Variants in AGBL2 observed in about 807,000 individuals in gnomAD.
The protein encoded by AGBL2 is cytosolic carboxypeptidase 2.
In AGBL2, 87 loss-of-function variants were observed where a neutral mutation model predicts 103.0. The ratio of observed to expected loss-of-function variants is 0.84; its 90% CI spans 0.71 to 1.01. The LOEUF (loss-of-function observed/expected upper bound fraction) is 1.01. Among genes scored for constraint, AGBL2 ranks in the 50% least tolerant of loss-of-function variants. The pLI, the probability that AGBL2 is intolerant of heterozygous loss-of-function variation, is 0.00. For synonymous variants in AGBL2, 335 were observed against 356.7 expected (o/e 0.94, Z 0.69); for missense variants, 904 against 1,023.5 (o/e 0.88, Z 1.59).
In AGBL2 at chr11:47,680,075, T is replaced by TG; in HGVS notation, c.1916-3dup. 6.6e-7 allele frequency: 1 copy of TG among 1,521,842 alleles called. No individual in the cohort carries two copies. Among genetic ancestry groups the TG allele is most frequent in the Non-Finnish European group, 9.0e-7 (1 of 1,112,462 alleles). The allele number at this position is 1,521,842 out of a possible 1,614,324, so 94.3% of individuals were successfully genotyped here. ...TAAAGTGGGTGTCTCTTTTATTACCTGGAAAAAAAAAAAACCCCGCAAACA... is the reference window on the plus strand; with the variant it reads ...TAAAGTGGGTGTCTCTTTTATTACCTGGGAAAAAAAAAAAACCCCGCAAACA... On this transcript the variant is annotated splice_polypyrimidine_tract_variant and splice_region_variant and intron_variant, in intron 12 of 18. Coordinates refer to ENST00000525123, the MANE Select transcript of AGBL2 (RefSeq NM_024783.4).
At chr11:47,706,823 C>T (rs963296606) in intron 4 of AGBL2, among the ~76,000 whole-genome samples, 9 of 136,380 alleles carry the variant, frequency 6.6e-5, no homozygotes, top group African/African-American at 1.1e-4. Flanking sequence ...CCAAGGCAGG[C>T]GGATCATTTG....
At chr11:47,680,435 T>G (rs1448181227) in intron 12 of AGBL2, among the ~76,000 whole-genome samples, 1 of 151,122 alleles carries the variant, frequency 6.6e-6, no homozygotes, top group Non-Finnish European at 1.5e-5. Flanking sequence ...CACTCCAGCC[T>G]GGATGACACA....
At chr11:47,713,503 C>T (rs1291903179) in intron 3 of AGBL2, among the ~76,000 whole-genome samples, 2 of 150,742 alleles carry the variant, frequency 1.3e-5, no homozygotes, top group Non-Finnish European at 3.0e-5. Flanking sequence ...CCAGCCTGGG[C>T]GACAGGGTGA....
chr11:47,710,909 CA>C (rs60310587), intron 3 of AGBL2: 206,214 of 332,344 alleles, frequency 0.62, 49,049 homozygotes, highest in Admixed American at 0.7. Flanking sequence ...GATCCTGTCT[CA>C]AAAAAAAAAA....
At chr11:47,699,158 A>C (rs1349833988) in intron 8 of AGBL2, among the ~76,000 whole-genome samples, 1 of 152,194 alleles carries the variant, frequency 6.6e-6, no homozygotes, top group Non-Finnish European at 1.5e-5. Flanking sequence ...GGAGAAAAGA[A>C]ATCTCCCCAA....
intron 4 of AGBL2, among the ~76,000 whole-genome samples, chr11:47,707,649 C>T (rs1021692627): frequency 2.0e-5 from 3 of 152,154 alleles, no homozygotes; most frequent in African/African-American, 7.2e-5. Context: ...ACAATATCAC[C>T]AGCTATTGCC....
chr11:47,673,964 C>T (rs2097365847), intron 14 of AGBL2, among the ~76,000 whole-genome samples: 1 of 150,688 alleles, frequency 6.6e-6, no homozygotes, highest in East Asian at 2.0e-4. Context: ...TGGTGGTGGG[C>T]ACCTGTAATC....
chr11:47,678,343 A>ATTATTATTTTTTTTTTTTTTTTTTTT lies in AGBL2; in HGVS notation c.2017-943_2017-942insAAAAAAAAAAAAAAAAAAAATAATAA, dbSNP rs2097385523. Among the ~76,000 whole-genome samples, 18 of 116,864 alleles carry ATTATTATTTTTTTTTTTTTTTTTTTT rather than the reference A, an allele frequency of 1.5e-4. 1 individual carries two copies. The highest frequency in any genetic ancestry group is 2.9e-4 in the East Asian group (1 of 3,402). 76.7% of individuals were successfully genotyped at this position (116,864 alleles called of 152,430 possible). ...TTATTTTATTTTATTTTATTATTTT[A>ATTATTATTTTTTTTTTTTTTTTTTTT]TTTTTTTTGAGACGGAGTCTTGCTC... On this transcript the variant is annotated intron_variant, in intron 13 of 18. Coordinates refer to ENST00000525123, the MANE Select transcript of AGBL2 (RefSeq NM_024783.4).
At chr11:47,704,912 C>T (rs1368133836) in intron 6 of AGBL2, among the ~76,000 whole-genome samples, 184 bp from the exon 7 acceptor site, 1 of 152,126 alleles carries the variant, frequency 6.6e-6, no homozygotes. Flanking sequence ...AATTATAAAA[C>T]GTTAAAATTC....
intron 13 of AGBL2, among the ~76,000 whole-genome samples, chr11:47,678,320 A>ATTATTTTTTTT (rs1316888179): frequency 8.4e-6 from 1 of 119,696 alleles, no homozygotes; most frequent in African/African-American, 2.7e-5. Context: ...ATTTTATTTT[A>ATTATTTTTTTT]TTTTATTTTA....
intron 11 of AGBL2, among the ~76,000 whole-genome samples, chr11:47,685,058 A>C (rs1041981128): frequency 7.0e-5 from 9 of 129,360 alleles, no homozygotes; most frequent in South Asian, 3.0e-4. Context: ...AGTACAAAAA[A>C]ATTTAGCCAG....
intron 14 of AGBL2, among the ~76,000 whole-genome samples, chr11:47,676,813 CAAA>C (rs566335901): frequency 7.2e-4 from 50 of 69,806 alleles, no homozygotes; most frequent in African/African-American, 2.1e-3. Flanking sequence ...GCCTCCATCT[CAAA>C]AAAAAAAAAA....
chr11:47,673,129 G>T (rs960701868), intron 14 of AGBL2, among the ~76,000 whole-genome samples: 1 of 152,150 alleles, frequency 6.6e-6, no homozygotes, highest in Admixed American at 6.6e-5. Context: ...ATGAGATACA[G>T]AGCAAACGAA....
intron 13 of AGBL2, 79 bp from the exon 14 acceptor site, chr11:47,677,480 T>G (rs1387910158): frequency 5.1e-6 from 5 of 980,698 alleles, no homozygotes; most frequent in Non-Finnish European, 6.5e-6. Context: ...TGAGACGGAG[T>G]TTGACTCTTG....
intron 8 of AGBL2, among the ~76,000 whole-genome samples, chr11:47,693,253 C>T (rs2097455007): frequency 6.6e-6 from 1 of 152,022 alleles, no homozygotes; most frequent in Admixed American, 6.6e-5. Flanking sequence ...CCTCAAACAT[C>T]TGAGTTCAAG....
At chr11:47,709,935 G>A (rs2097532298) in intron 4 of AGBL2, among the ~76,000 whole-genome samples, 1 of 151,854 alleles carries the variant, frequency 6.6e-6, no homozygotes, top group Admixed American at 6.6e-5. Context: ...TGTCACCCAG[G>A]CTGGAGTACA....
intron 11 of AGBL2, among the ~76,000 whole-genome samples, chr11:47,684,529 C>T (rs908088298): frequency 1.3e-5 from 2 of 149,430 alleles, no homozygotes; most frequent in Admixed American, 1.3e-4. Context: ...GCACTCCATC[C>T]TGGGCGACAG....
chr11:47,684,245 G>A (rs2097414590), intron 11 of AGBL2, among the ~76,000 whole-genome samples: 1 of 150,906 alleles, frequency 6.6e-6, no homozygotes, highest in Non-Finnish European at 1.5e-5. Flanking sequence ...TGCACGATCT[G>A]GGTGACAGAG....
chr11:47,696,829 A>C (rs1355568769), intron 8 of AGBL2, among the ~76,000 whole-genome samples: 1 of 152,038 alleles, frequency 6.6e-6, no homozygotes, highest in Non-Finnish European at 1.5e-5. Flanking sequence ...GGGTTAGCAA[A>C]TGTGTTTCAA....
Sources: gnomAD v4.1 joint callset for allele counts (sites outside exome capture counted in the v4.1 genomes callset) on GRCh38, gnomAD v4.1.1 for gene constraint, MANE v1.5 for transcripts, NCBI Gene and HGNC (gene_info 2026-07-23, HGNC 2026-07-21) for gene names.